The following DNAJC5 variants were observed in gnomAD, a reference collection of about 807,000 sequenced individuals.
DNAJC5 encodes dnaJ homolog subfamily C member 5.
A neutral mutation model predicts 23.2 loss-of-function variants in DNAJC5; 1 was observed. The observed-to-expected ratio is 0.04, with a 90% CI of 0.02 to 0.20. DNAJC5 has a LOEUF of 0.20. Ranked by LOEUF, DNAJC5 falls within the 10% of genes least tolerant of loss-of-function variation. The pLI is 1.00. For synonymous variants in DNAJC5, 136 were observed against 120.0 expected (o/e 1.13, Z -0.87); for missense variants, 180 against 267.0 (o/e 0.67, Z 2.27).
At chr20:63,930,063 T>A (rs2053654103) in intron 3 of DNAJC5, among the ~76,000 whole-genome samples, 1 of 152,242 alleles carries the variant, frequency 6.6e-6, no homozygotes, top group Non-Finnish European at 1.5e-5. Flanking sequence ...GTTTCCTCGT[T>A]TTGTTCCAAA....
chr20:63,907,182 A>G (rs532959615), intron 1 of DNAJC5, among the ~76,000 whole-genome samples: 15 of 152,346 alleles, frequency 9.8e-5, no homozygotes, highest in Non-Finnish European at 1.9e-4. Context: ...ATTTGTGATC[A>G]GGACAGAGAA....
At chr20:63,930,379 GCT>G (rs1172277437) in intron 3 of DNAJC5, among the ~76,000 whole-genome samples, 8 of 151,964 alleles carry the variant, frequency 5.3e-5, no homozygotes, top group African/African-American at 1.9e-4. Flanking sequence ...ACGGAGTCTC[GCT>G]CTGTTTCCCA....
rs1412452490 is a variant in DNAJC5 at position 63,933,391 on chromosome 20, G to A, written c.*1823G>A. ...GCTGACCCCTACTGCAGATCCGCAT[G>A]TGGACCATGAGCCGGCTGCCAGCAC... On this transcript the variant is annotated 3_prime_UTR_variant, in exon 5 of 5. Coordinates refer to ENST00000360864, the MANE Select transcript of DNAJC5 (RefSeq NM_025219.3). 6.6e-6 allele frequency: 1 copy of A among 152,350 alleles called. No homozygotes were observed. The highest frequency in any genetic ancestry group is 1.5e-5 in the Non-Finnish European group (1 of 68,052). 9.4% of individuals were successfully genotyped at this position (152,350 alleles called of 1,614,324 possible).
At chr20:63,910,701 C>G (rs2053477616) in intron 1 of DNAJC5, among the ~76,000 whole-genome samples, 1 of 150,118 alleles carries the variant, frequency 6.7e-6, no homozygotes, top group Non-Finnish European at 1.5e-5. Flanking sequence ...GAGACAGAGT[C>G]TGACTCTGTC....
intron 1 of DNAJC5, chr20:63,919,702 C>T (rs1234234592): frequency 2.3e-6 from 1 of 442,570 alleles, no homozygotes; most frequent in Non-Finnish European, 4.3e-6. Flanking sequence ...CCCGGGACAG[C>T]GCCACGGAAG....
intron 1 of DNAJC5, among the ~76,000 whole-genome samples, chr20:63,906,395 C>T (rs2053448424): frequency 6.6e-6 from 1 of 152,092 alleles, no homozygotes; most frequent in Admixed American, 6.6e-5. Context: ...GAGGCTGAGG[C>T]AGGACAATTG....
intron 1 of DNAJC5, among the ~76,000 whole-genome samples, chr20:63,902,665 G>A: frequency 7.0e-6 from 1 of 142,546 alleles, no homozygotes; most frequent in East Asian, 2.0e-4. Flanking sequence ...AACGCACCTG[G>A]CCTCATCTTG....
intron 1 of DNAJC5, among the ~76,000 whole-genome samples, chr20:63,898,780 G>T (rs1269238353): frequency 1.3e-5 from 2 of 152,194 alleles, no homozygotes; most frequent in African/African-American, 2.4e-5. Context: ...GGCAGAGGTT[G>T]CAGTGAGCTG....
Position 63,917,882 on chromosome 20 carries a change from A to AT in DNAJC5, c.-11-10450dup, listed in dbSNP as rs2053526185. ...GTACCTAGTAGTGCTCTGTGGTTTA[A>AT]TTTGCATTTCCCAGGGAGTGGGGGC... is the stretch of plus-strand genomic sequence containing the variant. On this transcript the variant is annotated intron_variant, in intron 1 of 4. Coordinates refer to ENST00000360864, the MANE Select transcript of DNAJC5 (RefSeq NM_025219.3). Among the ~76,000 whole-genome samples, 3 of 152,056 alleles carry AT rather than the reference A, an allele frequency of 2.0e-5. No homozygotes were observed. In the South Asian group the frequency reaches 6.2e-4, roughly 32 times the overall value.
In DNAJC5 at chr20:63,928,440, A is replaced by G. The variant is rs1336300127; in HGVS notation, c.95A>G (p.Lys32Arg). The change falls in exon 2 of 5, where the codon AAA (lysine) becomes AGA (arginine). Residue 32 changes from lysine (K) to arginine (R), a missense_variant. Transcript: ENST00000360864. The surrounding 1 kb of genome is among the most constrained non-coding windows in gnomAD (Gnocchi z 4.6). ...LDKNATSDDIKKSYRKLALKY... is the reference protein window; with the variant it reads ...LDKNATSDDIRKSYRKLALKY... ...AAGAACGCAACCTCAGATGACATTA[A>G]AAAGTCCTATCGGTAAGTGGACAAG... 5.6e-6 allele frequency: 9 copies of G among 1,613,894 alleles called. No individual in the cohort carries two copies. Among genetic ancestry groups the G allele is most frequent in the Non-Finnish European group, 7.6e-6 (9 of 1,179,986 alleles).
intron 1 of DNAJC5, among the ~76,000 whole-genome samples, chr20:63,925,551 A>T (rs1183089528): frequency 6.6e-6 from 1 of 151,900 alleles, no homozygotes; most frequent in Non-Finnish European, 1.5e-5. Flanking sequence ...ATCAGAGGAA[A>T]GTGTGGCAAA....
intron 1 of DNAJC5, among the ~76,000 whole-genome samples, chr20:63,926,719 C>T (rs2053619205): frequency 1.3e-5 from 2 of 152,162 alleles, no homozygotes; most frequent in Non-Finnish European, 1.5e-5. Flanking sequence ...CTCCTCCCAC[C>T]CCTTTCTATT....
At chr20:63,910,450 G>A (rs1017161058) in intron 1 of DNAJC5, among the ~76,000 whole-genome samples, 1 of 151,736 alleles carries the variant, frequency 6.6e-6, no homozygotes, top group African/African-American at 2.4e-5. Context: ...GGCTGAGGCA[G>A]GAGAATGGCG....
At chr20:63,927,221 A>T (rs2053623697) in intron 1 of DNAJC5, among the ~76,000 whole-genome samples, 1 of 151,772 alleles carries the variant, frequency 6.6e-6, no homozygotes, top group African/African-American at 2.4e-5. Flanking sequence ...AACAATGTAG[A>T]AACAATGTGT....
intron 1 of DNAJC5, among the ~76,000 whole-genome samples, chr20:63,909,818 CG>C (rs1008323578): frequency 5.3e-5 from 8 of 152,206 alleles, no homozygotes; most frequent in African/African-American, 1.7e-4. Context: ...GGAGAGCCTG[CG>C]GGGGGCAGCA....
intron 1 of DNAJC5, among the ~76,000 whole-genome samples, chr20:63,897,500 A>G (rs1398819127): frequency 6.6e-6 from 1 of 152,146 alleles, no homozygotes; most frequent in South Asian, 2.1e-4. Context: ...TGGGAGGTGG[A>G]GGTTGCAGTG....
Position 63,929,544 on chromosome 20 carries a change from CCG to C in DNAJC5, c.321+20_321+21del, listed in dbSNP as rs1238499251. 6.8e-6 allele frequency: 11 copies of C among 1,612,358 alleles called. No individual in the cohort carries two copies. The highest frequency in any genetic ancestry group is 4.0e-5 in the African/African-American group (3 of 74,844). On this transcript the variant is annotated intron_variant, in intron 3 of 4. Transcript: ENST00000360864. This position sits in a 1 kb window ranked among gnomAD's most constrained non-coding sequence, Gnocchi z 8.6. ...GGCCAAGGTGAGGGCGAGCTGCCTG[CCG>C]TGCGGGCACCCGAGTCACTCCTGCC...
chr20:63,901,555 G>T (rs1195612290), intron 1 of DNAJC5, among the ~76,000 whole-genome samples: 1 of 152,270 alleles, frequency 6.6e-6, no homozygotes, highest in East Asian at 1.9e-4. Context: ...CTCCACATCA[G>T]TCTCAGAGTG....
chr20:63,913,935 A>G (rs1298977125), intron 1 of DNAJC5, among the ~76,000 whole-genome samples: 1 of 152,084 alleles, frequency 6.6e-6, no homozygotes, highest in East Asian at 1.9e-4. Flanking sequence ...AGGATGTGTG[A>G]TCTTTGTGGC....
Sources: gnomAD v4.1 joint callset for allele counts (sites outside exome capture counted in the v4.1 genomes callset) on GRCh38, gnomAD v4.1.1 for gene constraint, Gnocchi (gnomAD v3.1) non-coding constraint, MANE v1.5 for transcripts, NCBI Gene and HGNC (gene_info 2026-07-23, HGNC 2026-07-21) for gene names.